KCNB2: variants seen among roughly 807,000 people sequenced by gnomAD.
The protein encoded by KCNB2 is potassium voltage-gated channel subfamily B member 2.
A neutral mutation model predicts 61.5 loss-of-function variants in KCNB2; 15 were observed. The ratio of observed to expected loss-of-function variants is 0.24; its 90% CI spans 0.16 to 0.38. The LOEUF is 0.38. KCNB2 is among the 10% of genes least tolerant of loss of function. KCNB2 has a pLI of 1.00. For synonymous variants in KCNB2, 457 were observed against 446.0 expected, an observed-to-expected ratio of 1.02 and a Z score of -0.31; for missense variants, 828 against 1,125.2, an observed-to-expected ratio of 0.74 and a Z score of 3.78.
intron 2 of KCNB2, among the ~76,000 whole-genome samples, chr8:72,569,516 T>G (rs1806678317): frequency 6.6e-6 from 1 of 152,200 alleles, no homozygotes; most frequent in Non-Finnish European, 1.5e-5. Flanking sequence ...GACATGCACC[T>G]AAGTGAAATA....
intron 1 of KCNB2, among the ~76,000 whole-genome samples, chr8:72,560,067 G>A (rs908209523): frequency 2.6e-5 from 4 of 152,184 alleles, no homozygotes; most frequent in Non-Finnish European, 5.9e-5. Context: ...CAGTATTTGA[G>A]CTTTTAATAC....
chr8:72,540,932 C>T (rs1369564144), intron 1 of KCNB2, among the ~76,000 whole-genome samples: 1 of 151,674 alleles, frequency 6.6e-6, no homozygotes, highest in African/African-American at 2.4e-5. Context: ...GAGAAGAGTG[C>T]TTGAATAGAA....
At chr8:72,641,157 A>G (rs1806049044) in intron 2 of KCNB2, among the ~76,000 whole-genome samples, 1 of 152,112 alleles carries the variant, frequency 6.6e-6, no homozygotes, top group African/African-American at 2.4e-5. Context: ...CTAAAATTTT[A>G]CTGGATGGAA....
At chr8:72,601,687 A>G (rs1288875121) in intron 2 of KCNB2, among the ~76,000 whole-genome samples, 1 of 152,190 alleles carries the variant, frequency 6.6e-6, no homozygotes, top group African/African-American at 2.4e-5. Context: ...AGTTGTCACT[A>G]TGTTACTGGA....
intron 2 of KCNB2, among the ~76,000 whole-genome samples, chr8:72,752,562 G>A (rs1808209939): frequency 6.6e-6 from 1 of 152,126 alleles, no homozygotes; most frequent in Admixed American, 6.6e-5. Flanking sequence ...GGCTCCTCTA[G>A]TTCTCAGGCC....
At chr8:72,647,740 T>C (rs1806151960) in intron 2 of KCNB2, among the ~76,000 whole-genome samples, 1 of 151,986 alleles carries the variant, frequency 6.6e-6, no homozygotes, top group African/African-American at 2.4e-5. Flanking sequence ...AATTACAAAG[T>C]GTTGGTCAGT....
chr8:72,813,330 C>CTCT (rs1554534990), intron 2 of KCNB2, among the ~76,000 whole-genome samples: 28 of 149,574 alleles, frequency 1.9e-4, no homozygotes, highest in African/African-American at 6.4e-4. Flanking sequence ...AGTCTGAAGA[C>CTCT]TTTTTTTTTT....
At chr8:72,856,816 C>G (rs984416848) in intron 2 of KCNB2, among the ~76,000 whole-genome samples, 1 of 152,056 alleles carries the variant, frequency 6.6e-6, no homozygotes, top group Non-Finnish European at 1.5e-5. Flanking sequence ...ATACTGTTGC[C>G]TAGGAACATT....
chr8:72,600,991 T>C (rs888434607), intron 2 of KCNB2, among the ~76,000 whole-genome samples: 1 of 140,144 alleles, frequency 7.1e-6, no homozygotes, highest in African/African-American at 2.7e-5. Context: ...GAACTTGAAA[T>C]AAAAGTCAAA....
In KCNB2 at chr8:72,936,266, G is replaced by A; in HGVS notation, c.911G>A (p.Arg304Gln). Residue 304 changes from arginine to glutamine, a missense_variant, in exon 3 of 3, where the codon CGA becomes CAA. This residue lies in a region of KCNB2 where 44 missense variants were observed against 167.6 expected (regional missense o/e 0.26). Coordinates refer to ENST00000523207, the MANE Select transcript of KCNB2 (RefSeq NM_004770.3). The surrounding 1 kb of genome is among the most constrained non-coding windows in gnomAD (Gnocchi z 5.6). Reference protein sequence around the residue: ...QNVRRVVQIFRIMRILRILKL... With the variant: ...QNVRRVVQIFQIMRILRILKL... Reference sequence around the variant, plus strand: ...GTGAGGCGCGTGGTCCAGATCTTCCGAATCATGCGCATCCTCAGGATCCTG... The same window carrying A: ...GTGAGGCGCGTGGTCCAGATCTTCCAAATCATGCGCATCCTCAGGATCCTG... 6.2e-7 allele frequency: 1 copy of A among 1,614,224 alleles called. No homozygotes were observed. Among genetic ancestry groups the A allele is most frequent in the Non-Finnish European group, 8.5e-7 (1 of 1,180,026 alleles).
chr8:72,751,253 A>T (rs1808183109), intron 2 of KCNB2: 1 of 152,130 alleles, frequency 6.6e-6, no homozygotes, highest in Admixed American at 6.5e-5. Flanking sequence ...CACAACAATC[A>T]CATAGCTCTT....
chr8:72,799,372 T>C (rs1809085362), intron 2 of KCNB2, among the ~76,000 whole-genome samples: 1 of 151,408 alleles, frequency 6.6e-6, no homozygotes, highest in Admixed American at 6.6e-5. Context: ...GACTCAACTC[T>C]TTTTAAATAA....
intron 2 of KCNB2, among the ~76,000 whole-genome samples, chr8:72,786,755 T>C (rs1368973575): frequency 6.6e-6 from 1 of 152,164 alleles, no homozygotes; most frequent in Non-Finnish European, 1.5e-5. Flanking sequence ...AAACTGATGA[T>C]GTCTATCTCA....
chr8:72,602,581 T>C (rs1805371371), intron 2 of KCNB2, among the ~76,000 whole-genome samples: 3 of 152,226 alleles, frequency 2.0e-5, no homozygotes, highest in Non-Finnish European at 4.4e-5. Flanking sequence ...ATCTTTTGCA[T>C]AGTAAAATGA....
chr8:72,729,067 C>T (rs1460146305), intron 2 of KCNB2, among the ~76,000 whole-genome samples: 1 of 152,142 alleles, frequency 6.6e-6, no homozygotes, highest in African/African-American at 2.4e-5. Flanking sequence ...CAAAGAAACT[C>T]TTTGTAACTT....
intron 1 of KCNB2, among the ~76,000 whole-genome samples, chr8:72,538,321 A>C (rs900768338): frequency 6.6e-6 from 1 of 151,474 alleles, no homozygotes; most frequent in African/African-American, 2.4e-5. Context: ...GTTCTGTAGC[A>C]CGATTCCTGA....
intron 2 of KCNB2, among the ~76,000 whole-genome samples, chr8:72,713,377 G>A (rs1807361276): frequency 6.6e-6 from 1 of 152,190 alleles, no homozygotes; most frequent in Non-Finnish European, 1.5e-5. Flanking sequence ...GTGGGTCCCT[G>A]ACCCCCAAGT....
chr8:72,866,806 G>C (rs951753867), intron 2 of KCNB2, among the ~76,000 whole-genome samples: 5 of 152,104 alleles, frequency 3.3e-5, no homozygotes, highest in African/African-American at 1.2e-4. Flanking sequence ...CAGGAAGGTA[G>C]GTATTTTTTT....
At chr8:72,908,351 T>C (rs922895024) in intron 2 of KCNB2, among the ~76,000 whole-genome samples, 1 of 152,208 alleles carries the variant, frequency 6.6e-6, no homozygotes, top group Admixed American at 6.5e-5. Flanking sequence ...CAGTTGTAAA[T>C]CAACTCATTT....
Sources: allele counts gnomAD v4.1 joint callset (sites outside exome capture counted in the v4.1 genomes callset), GRCh38; gene constraint gnomAD v4.1.1; regional missense constraint gnomAD v4.1.1; non-coding constraint Gnocchi (gnomAD v3.1); transcripts MANE v1.5; gene names NCBI Gene and HGNC (gene_info 2026-07-23, HGNC 2026-07-21).